The following BMP8B variants were observed in gnomAD, a reference collection of about 807,000 sequenced individuals.
BMP8B encodes bone morphogenetic protein 8b, also known as bone morphogenetic protein 8 (osteogenic protein 2).
Under a neutral mutation model 30.3 loss-of-function variants are expected in BMP8B, and 17 were observed. The observed-to-expected ratio is 0.56, with a 90% CI of 0.38 to 0.84. The LOEUF (loss-of-function observed/expected upper bound fraction) is 0.84, where lower values mean the gene tolerates loss of function less well. Ranked by LOEUF, BMP8B falls within the 40% of genes least tolerant of loss-of-function variation. The pLI is 0.00. For missense variants in BMP8B, 253 were observed against 494.6 expected, an observed-to-expected ratio of 0.51 and a Z score of 4.63; for synonymous variants, 131 against 214.7, an observed-to-expected ratio of 0.61 and a Z score of 3.41.
At chr1:39,776,824 A>G (rs752153507) in intron 1 of BMP8B, among the ~76,000 whole-genome samples, 8 of 152,222 alleles carry the variant, frequency 5.3e-5, no homozygotes, top group Non-Finnish European at 8.8e-5. Context: ...CTGTGTGTAC[A>G]ACACTGTTCT....
chr1:39,782,941 G>A (rs368104501), intron 1 of BMP8B, among the ~76,000 whole-genome samples: 14 of 151,690 alleles, frequency 9.2e-5, no homozygotes, highest in African/African-American at 2.9e-4. Context: ...CTACAGTCCC[G>A]CGCCACCATG....
intron 1 of BMP8B, among the ~76,000 whole-genome samples, chr1:39,777,605 A>G (rs1650320358): frequency 6.6e-6 from 1 of 152,214 alleles, no homozygotes; most frequent in African/African-American, 2.4e-5. Flanking sequence ...GGCTCTGGCT[A>G]TTTTTGTGCT....
At position 39,758,199 on chromosome 1, in the gene BMP8B, A is replaced by G. The variant is rs567085376; in HGVS notation, c.*2220T>C. 3.3e-5 allele frequency: 5 copies of G among 152,338 alleles called. No homozygotes were observed. The East Asian group carries it at 7.7e-4, about 23-fold the overall frequency. 9.4% of individuals were successfully genotyped at this position (152,338 alleles called of 1,614,324 possible). A position where few individuals can be genotyped will look rare whatever the true frequency, so the allele number is the denominator to read the frequency against. ...CCATCTTTGATGTTAAGAAGGAACA[A>G]TTAAGTAAATACTAGGATGGCAAAC... is the stretch of plus-strand genomic sequence containing the variant. On this transcript the variant is annotated 3_prime_UTR_variant, in exon 7 of 7. Coordinates refer to ENST00000372827, the MANE Select transcript of BMP8B (RefSeq NM_001720.5).
At position 39,788,537 on chromosome 1, in the gene BMP8B, GCGGCCGACCCAGGGCCTGGGGACGCCC is replaced by G. The variant is rs1486565797; in HGVS notation, c.-79_-53del. 4 of 998,104 alleles carry G rather than the reference GCGGCCGACCCAGGGCCTGGGGACGCCC, an allele frequency of 4.0e-6. No homozygotes were observed. Among genetic ancestry groups the G allele is most frequent in the African/African-American group, 3.5e-5 (2 of 57,042 alleles). The allele number at this position is 998,104 out of a possible 1,614,324, so 61.8% of individuals were successfully genotyped here. A position where few individuals can be genotyped will look rare whatever the true frequency, so the allele number is the denominator to read the frequency against. On this transcript the variant is annotated 5_prime_UTR_variant, in exon 1 of 7. Transcript: ENST00000372827. This position sits in a 1 kb window ranked among gnomAD's most constrained non-coding sequence, Gnocchi z 5.8. ...CGCTCAGCGGGCGCGCATCGGCTCC[GCGGCCGACCCAGGGCCTGGGGACGCCC>G]CGACGGCAAGGAGGCTGGGCTCGGC... is the stretch of plus-strand genomic sequence containing the variant.
intron 3 of BMP8B, among the ~76,000 whole-genome samples, chr1:39,767,268 C>T (rs1292279417): frequency 1.3e-5 from 2 of 152,016 alleles, no homozygotes; most frequent in East Asian, 3.9e-4. Context: ...TCCCATTTTA[C>T]AGAAGCAGAA....
At chr1:39,762,721 A>T (rs1649165678) in intron 6 of BMP8B, 1 of 1,443,232 alleles carries the variant, frequency 6.9e-7, no homozygotes, top group South Asian at 1.5e-5. Flanking sequence ...TTGCCAGCGT[A>T]CTCGGCGGCC....
chr1:39,787,992 C>T (rs918093624), intron 1 of BMP8B, among the ~76,000 whole-genome samples, 160 bp downstream of exon 1: 6 of 152,198 alleles, frequency 3.9e-5, no homozygotes, highest in Non-Finnish European at 8.8e-5. Context: ...CCCCCATGAC[C>T]CTTAGACCTT....
rs769660218 is a variant in BMP8B, at chr1:39,788,212, C to A, written c.274G>T (p.Gly92Cys). The A allele has an allele frequency of 3.9e-5, 62 of 1,571,980 alleles. No individual in the cohort carries two copies. The highest frequency in any genetic ancestry group is 5.6e-5 in the African/African-American group (4 of 71,864). ...CCCAGGCGCCGCTCCGCGGGCGCGC[C>A]GTCCTCGTCGTCGTCGCCGGCCATG... Reference protein sequence around the residue: ...HAMAGDDDEDGAPAERRLGRA... With the variant: ...HAMAGDDDEDCAPAERRLGRA... The change falls in exon 1 of 7, where the codon GGC (glycine) becomes TGC (cysteine). Residue 92 changes from glycine (G) to cysteine (C), a missense_variant. By Grantham distance (159) the Gly-to-Cys change is radical. This residue lies in a region of BMP8B where 52 missense variants were observed against 68.3 expected (regional missense o/e 0.76). Transcript: ENST00000372827. The surrounding 1 kb of genome is among the most constrained non-coding windows in gnomAD (Gnocchi z 5.8).
chr1:39,757,919 GTA>G lies in BMP8B; in HGVS notation c.*2498_*2499del, dbSNP rs1212428086. On this transcript the variant is annotated 3_prime_UTR_variant, in exon 7 of 7. Transcript: ENST00000372827. ...TGCTGAAAGTCTGATGGCCAACTAG[GTA>G]GACAAAGCCTTATGTTTTTCCATTG... 1.3e-5 allele frequency: 2 copies of G among 152,238 alleles called. No homozygotes were observed. The highest frequency in any genetic ancestry group is 2.9e-5 in the Non-Finnish European group (2 of 68,048). The allele number at this position is 152,238 out of a possible 1,614,324, so 9.4% of individuals were successfully genotyped here. A position where few individuals can be genotyped will look rare whatever the true frequency, so the allele number is the denominator to read the frequency against.
chr1:39,780,646 C>T (rs1018327904), intron 1 of BMP8B, among the ~76,000 whole-genome samples: 2 of 152,258 alleles, frequency 1.3e-5, no homozygotes, highest in Non-Finnish European at 2.9e-5. Context: ...CATCTCAGCA[C>T]TTTGGGAGGC....
chr1:39,775,294 C>T (rs1650145442), intron 1 of BMP8B, among the ~76,000 whole-genome samples: 1 of 152,216 alleles, frequency 6.6e-6, no homozygotes, highest in Admixed American at 6.5e-5. Flanking sequence ...AGGCCCCAGG[C>T]TCCAAACCCT....
Position 39,788,554 on chromosome 1 carries a change from T to C in BMP8B, c.-69A>G, listed in dbSNP as rs1651174083. The C allele has an allele frequency of 2.0e-6, 2 of 992,224 alleles. No individual in the cohort carries two copies. Among genetic ancestry groups the C allele is most frequent in the Non-Finnish European group, 2.4e-6 (2 of 835,804 alleles). 61.5% of individuals were successfully genotyped at this position (992,224 alleles called of 1,614,324 possible). ...TCGGCTCCGCGGCCGACCCAGGGCC[T>C]GGGGACGCCCCGACGGCAAGGAGGC... On this transcript the variant is annotated 5_prime_UTR_variant, in exon 1 of 7. Transcript: ENST00000372827. The surrounding 1 kb of genome is among the most constrained non-coding windows in gnomAD (Gnocchi z 5.8).
At chr1:39,781,159 G>C (rs762903231) in intron 1 of BMP8B, among the ~76,000 whole-genome samples, 1 of 152,222 alleles carries the variant, frequency 6.6e-6, no homozygotes, top group Non-Finnish European at 1.5e-5. Flanking sequence ...GCACACAGTA[G>C]GTTTGCAGCA....
chr1:39,762,957 G>A (rs1276937330), intron 6 of BMP8B, 135 bp downstream of exon 6: 19 of 1,137,916 alleles, frequency 1.7e-5, no homozygotes, highest in Middle Eastern at 2.1e-4. Context: ...AGTTAGCGAC[G>A]TTACTGACTG....
Position 39,760,149 on chromosome 1 carries a change from A to G in BMP8B, c.*270T>C. The G allele has an allele frequency of 1.9e-6, 1 of 537,838 alleles. No individual in the cohort carries two copies. Among genetic ancestry groups the G allele is most frequent in the Non-Finnish European group, 3.2e-6 (1 of 308,182 alleles). 33.3% of individuals were successfully genotyped at this position (537,838 alleles called of 1,614,324 possible). ...CCAACCCCAAAGAACCAGCCAGGAC[A>G]TGCCTCCGGGAGAGGCGTTTGCATT... On this transcript the variant is annotated 3_prime_UTR_variant, in exon 7 of 7. Transcript: ENST00000372827.
At chr1:39,780,881 G>A (rs528708748) in intron 1 of BMP8B, among the ~76,000 whole-genome samples, 6 of 152,336 alleles carry the variant, frequency 3.9e-5, no homozygotes, top group Admixed American at 3.9e-4. Context: ...GGGTGACACA[G>A]CGAGACCCCA....
chr1:39,768,085 C>T (rs993298517), intron 3 of BMP8B, among the ~76,000 whole-genome samples: 12 of 146,720 alleles, frequency 8.2e-5, no homozygotes, highest in African/African-American at 3.2e-4. Flanking sequence ...CGTGCATGCA[C>T]ACACACACAC....
chr1:39,762,985 G>A, intron 6 of BMP8B, 107 bp downstream of exon 6: 1 of 1,350,320 alleles, frequency 7.4e-7, no homozygotes, highest in Non-Finnish European at 1.0e-6. Flanking sequence ...AAAGCCCCCT[G>A]AGACGCGGAG....
chr1:39,763,791 T>A lies in BMP8B; in HGVS notation c.869A>T (p.Asp290Val), dbSNP rs1455295599. 3.8e-6 allele frequency: 6 copies of A among 1,599,718 alleles called. 2 individuals carry two copies. The highest frequency in any genetic ancestry group is 1.4e-5 in the African/African-American group (1 of 72,930). The change falls in exon 5 of 7, where the codon GAT (aspartate) becomes GTT (valine). Residue 290 changes from aspartate (D) to valine (V), a missense_variant and splice_region_variant. Coordinates refer to ENST00000372827, the MANE Select transcript of BMP8B (RefSeq NM_001720.5). ...CCGGCCGTGGGAGCCGTGGACGTCA[T>A]CTGCAGGGACAGAAGGGGCAAGGTC... ...PQANRLPGIFDDVHGSHGRQV... is the reference protein window; with the variant it reads ...PQANRLPGIFVDVHGSHGRQV...
Sources: gnomAD v4.1 joint callset for allele counts (sites outside exome capture counted in the v4.1 genomes callset) on GRCh38, gnomAD v4.1.1 for gene constraint, gnomAD v4.1.1 regional missense constraint, Gnocchi (gnomAD v3.1) non-coding constraint, MANE v1.5 for transcripts, NCBI Gene and HGNC (gene_info 2026-07-23, HGNC 2026-07-21) for gene names.